Variants in CAST observed in about 807,000 individuals in gnomAD.
The protein encoded by CAST is MIR583 host.
CAST carries 76 observed loss-of-function variants against 119.6 expected under a neutral mutation model. That is an observed-to-expected ratio of 0.64 (90% CI 0.53 to 0.77). The LOEUF (loss-of-function observed/expected upper bound fraction) is 0.77, where lower values mean the gene tolerates loss of function less well. Among genes scored for constraint, CAST ranks in the 30% least tolerant of loss-of-function variants. CAST has a pLI of 0.00. For synonymous variants in CAST, 319 were observed against 331.6 expected (o/e 0.96, Z 0.41); for missense variants, 953 against 946.5 (o/e 1.01, Z -0.09).
At chr5:96,380,221 G>A in the CAST span, among the ~76,000 whole-genome samples, 3 of 152,020 alleles carry the variant, frequency 2.0e-5, no homozygotes, top group Non-Finnish European at 4.4e-5. Context: ...TGGTGCCTTA[G>A]TTACACCAAA....
intron 1 of CAST, among the ~76,000 whole-genome samples, chr5:96,653,700 A>G (rs984820384): frequency 3.3e-5 from 5 of 152,216 alleles, no homozygotes; most frequent in African/African-American, 1.2e-4. Context: ...TTGTATCTTA[A>G]CCCAATATTT....
chr5:96,561,318 C>T (rs183056454), intron 1 of CAST, among the ~76,000 whole-genome samples: 1 of 150,948 alleles, frequency 6.6e-6, no homozygotes, highest in East Asian at 2.0e-4. Flanking sequence ...AACAAACCTG[C>T]ACTTTGTGTA....
intron 1 of CAST, among the ~76,000 whole-genome samples, chr5:96,643,100 T>C (rs950616917): frequency 2.0e-5 from 3 of 152,184 alleles, no homozygotes; most frequent in Admixed American, 2.0e-4. Flanking sequence ...ATTATTTTGC[T>C]ACATACAAAA....
chr5:96,108,292 G>A, the CAST span, among the ~76,000 whole-genome samples: 1 of 152,228 alleles, frequency 6.6e-6, no homozygotes, highest in African/African-American at 2.4e-5. Flanking sequence ...TGGAGGAGGA[G>A]AGGCCCTCTG....
At chr5:96,292,656 A>G in the CAST span, among the ~76,000 whole-genome samples, 12 of 152,348 alleles carry the variant, frequency 7.9e-5, no homozygotes, top group African/African-American at 2.2e-4. Context: ...GAATGGGATG[A>G]TTATTAACTG....
At chr5:96,257,845 C>A in the CAST span, among the ~76,000 whole-genome samples, 2 of 152,204 alleles carry the variant, frequency 1.3e-5, no homozygotes, top group African/African-American at 4.8e-5. Flanking sequence ...GAAAACACAG[C>A]GGCGCACAAG....
At chr5:96,386,735 C>T in the CAST span, among the ~76,000 whole-genome samples, 1 of 152,130 alleles carries the variant, frequency 6.6e-6, no homozygotes, top group Non-Finnish European at 1.5e-5. Flanking sequence ...GAGGCCGAGG[C>T]GAGCAGATCA....
At chr5:96,400,070 C>T in the CAST span, 5 of 1,614,020 alleles carry the variant, frequency 3.1e-6, no homozygotes, top group South Asian at 3.3e-5. Flanking sequence ...AAATCCAAAT[C>T]GACTATTCAC....
the CAST span, among the ~76,000 whole-genome samples, chr5:96,158,124 C>T: frequency 6.7e-6 from 1 of 149,442 alleles, no homozygotes; most frequent in African/African-American, 2.5e-5. Flanking sequence ...CCTAACAATG[C>T]AAACTACCAT....
intron 3 of CAST, among the ~76,000 whole-genome samples, chr5:96,699,664 T>C (rs1363001024): frequency 1.3e-5 from 2 of 152,190 alleles, no homozygotes; most frequent in Non-Finnish European, 2.9e-5. Flanking sequence ...CACATCTGAT[T>C]GGCCAGTGTA....
At chr5:96,225,866 G>A in the CAST span, among the ~76,000 whole-genome samples, 1 of 152,140 alleles carries the variant, frequency 6.6e-6, no homozygotes, top group Non-Finnish European at 1.5e-5. Context: ...GGGAGAAAAA[G>A]AAATTTAATT....
the CAST span, among the ~76,000 whole-genome samples, chr5:96,371,263 A>T: frequency 2.2e-4 from 34 of 152,098 alleles, no homozygotes; most frequent in African/African-American, 7.2e-4. Flanking sequence ...GCATTAAAAA[A>T]CTCAAGTTCT....
chr5:96,550,507 C>T (rs1006122350), intron 1 of CAST, among the ~76,000 whole-genome samples: 19 of 152,316 alleles, frequency 1.2e-4, no homozygotes, highest in African/African-American at 4.1e-4. Context: ...CGCCTCTTCT[C>T]CTCCAAAGGA....
chr5:96,452,568 G>A, the CAST span, among the ~76,000 whole-genome samples: 1 of 140,578 alleles, frequency 7.1e-6, no homozygotes, highest in African/African-American at 2.7e-5. Flanking sequence ...GTGCAGCAAA[G>A]CACCATGGCA....
chr5:96,127,141 A>G, the CAST span, among the ~76,000 whole-genome samples: 1 of 152,124 alleles, frequency 6.6e-6, no homozygotes, highest in Non-Finnish European at 1.5e-5. Flanking sequence ...AGGTGAGCGT[A>G]ATATATAGCT....
the CAST span, chr5:96,379,519 A>C: frequency 3.9e-5 from 6 of 152,284 alleles, no homozygotes; most frequent in African/African-American, 1.2e-4. Flanking sequence ...ATTCTGATAA[A>C]TTACAGATAT....
chr5:96,020,404 C>T, the CAST span, among the ~76,000 whole-genome samples: 13 of 152,294 alleles, frequency 8.5e-5, no homozygotes, highest in East Asian at 3.9e-4. Context: ...CCACAACCCC[C>T]GGGCCACAGA....
At chr5:96,749,768 A>T (rs1581258849) in intron 19 of CAST, among the ~76,000 whole-genome samples, 1 of 151,834 alleles carries the variant, frequency 6.6e-6, no homozygotes, top group Non-Finnish European at 1.5e-5. Flanking sequence ...GCTGATTCAA[A>T]CTCCTGGACT....
the CAST span, among the ~76,000 whole-genome samples, chr5:96,257,824 A>C: frequency 6.6e-6 from 1 of 152,226 alleles, no homozygotes; most frequent in Non-Finnish European, 1.5e-5. Context: ...GGCACTATGC[A>C]TGGCATCCAG....
Sources: gnomAD v4.1 joint callset for allele counts (sites outside exome capture counted in the v4.1 genomes callset) on GRCh38, gnomAD v4.1.1 for gene constraint, MANE v1.5 for transcripts, NCBI Gene and HGNC (gene_info 2026-07-23, HGNC 2026-07-21) for gene names.